PCK2: variants seen among roughly 807,000 people sequenced by gnomAD.
PCK2 encodes phosphoenolpyruvate carboxykinase [GTP], mitochondrial.
A neutral mutation model predicts 65.9 loss-of-function variants in PCK2; 56 were observed. The ratio of observed to expected loss-of-function variants is 0.85; its 90% confidence interval spans 0.69 to 1.06. The LOEUF (loss-of-function observed/expected upper bound fraction) is 1.06. PCK2 is among the 50% of genes least tolerant of loss of function. The pLI, the probability that PCK2 is intolerant of heterozygous loss-of-function variation, is 0.00. For missense variants in PCK2, 843 were observed against 863.1 expected, an observed-to-expected ratio of 0.98 and a Z score of 0.29; for synonymous variants, 305 against 319.6, an observed-to-expected ratio of 0.95 and a Z score of 0.49.
In PCK2 at chr14:24,103,642, G is replaced by T. The variant is rs773568356; in HGVS notation, c.1601G>T (p.Trp534Leu). The T allele has an allele frequency of 6.2e-7, 1 of 1,614,202 alleles. No individual in the cohort carries two copies. Among genetic ancestry groups the T allele is most frequent in the Non-Finnish European group, 8.5e-7 (1 of 1,180,010 alleles). Residue 534 changes from tryptophan (W) to leucine (L), a missense_variant, in exon 10 of 10, where the codon TGG becomes TTG. Physicochemically the swap from Trp to Leu is moderately conservative, Grantham distance 61 (BLOSUM62 -2). Transcript: ENST00000216780. ...CTGCCCCGTATCTTCCATGTCAACT[G>T]GTTCCGGCGTGACGAGGCAGGGCAC... ...AQLPRIFHVN[W>L]FRRDEAGHFL...
intron 2 of PCK2, among the ~76,000 whole-genome samples, chr14:24,097,565 A>G (rs1377313771): frequency 2.8e-4 from 6 of 21,334 alleles, no homozygotes; most frequent in African/African-American, 4.7e-4. Context: ...ACTCTGTCTC[A>G]AAAAAAAAAA....
At chr14:24,102,384 C>T (rs1159321185) in intron 7 of PCK2, among the ~76,000 whole-genome samples, 1 of 152,174 alleles carries the variant, frequency 6.6e-6, no homozygotes, top group African/African-American at 2.4e-5. Context: ...ATAATAATCT[C>T]ACAAATAATG....
chr14:24,098,917 G>C (rs553608959), intron 4 of PCK2, 132 bp from the exon 5 acceptor site: 11 of 765,444 alleles, frequency 1.4e-5, no homozygotes, highest in Non-Finnish European at 2.0e-5. Context: ...ATTATGAGGT[G>C]GGGGGCTTCA....
At chr14:24,094,202 G>A (rs528193973), upstream of PCK2, 21 of 561,950 alleles carry the variant, frequency 3.7e-5, no homozygotes, top group Admixed American at 7.4e-4. The surrounding 1 kb of genome is among the most constrained non-coding windows in gnomAD (Gnocchi z 4.1). Context: ...CCCCGGGGCC[G>A]AGGGAGCTGG....
At position 24,099,873 on chromosome 14, in the gene PCK2, G is replaced by A. The variant is rs1352892464; in HGVS notation, c.1016-122G>A. 3 of 1,582,378 alleles carry A rather than the reference G, an allele frequency of 1.9e-6. No homozygotes were observed. In the African/African-American group the frequency reaches 4.0e-5, roughly 21 times the overall value. ...TGGCAGCCCAGCCACCCGAGAGACA[G>A]CCTTTCCTCATCAGATCTTGGGTCC... is the stretch of plus-strand genomic sequence containing the variant. On this transcript the variant is annotated intron_variant, in intron 6 of 9. Transcript: ENST00000216780.
chr14:24,102,428 T>G (rs1474344837), intron 7 of PCK2, among the ~76,000 whole-genome samples: 1 of 152,158 alleles, frequency 6.6e-6, no homozygotes, highest in African/African-American at 2.4e-5. Context: ...ATTATAACCT[T>G]ATGCCCATAT....
chr14:24,094,915 G>C lies in PCK2; in HGVS notation c.29+481G>C. 8.6e-7 allele frequency: 1 copy of C among 1,161,330 alleles called. No individual in the cohort carries two copies. Among genetic ancestry groups the C allele is most frequent in the Non-Finnish European group, 1.1e-6 (1 of 874,552 alleles). The allele number at this position is 1,161,330 out of a possible 1,614,324, so 71.9% of individuals were successfully genotyped here. ...GTGGAAGGTTAAATATCCATTCCCG[G>C]CCTCTCCCGGACTGGAAGGACTGGA... On this transcript the variant is annotated intron_variant, in intron 1 of 9. Coordinates refer to ENST00000216780, the MANE Select transcript of PCK2 (RefSeq NM_004563.4). The surrounding 1 kb of genome is among the most constrained non-coding windows in gnomAD (Gnocchi z 4.1).
In PCK2 at chr14:24,097,041, T is replaced by A; in HGVS notation, c.179T>A (p.Ile60Asn). 1 of 1,613,438 alleles carries A rather than the reference T, an allele frequency of 6.2e-7. No individual in the cohort carries two copies. Among genetic ancestry groups the A allele is most frequent in the South Asian group, 1.1e-5 (1 of 91,040 alleles). ...HSARLCQPEG[I>N]HICDGTEAEN... ...GCCCGCCTGTGCCAACCAGAGGGCATCCACATCTGTGATGGAACTGAGGCT... is the reference window on the plus strand; with the variant it reads ...GCCCGCCTGTGCCAACCAGAGGGCAACCACATCTGTGATGGAACTGAGGCT... Residue 60 changes from isoleucine (I) to asparagine (N), a missense_variant, in exon 2 of 10, where the codon ATC becomes AAC. Ile to Asn is a moderately radical substitution (Grantham distance 149, BLOSUM62 -3). Transcript: ENST00000216780.
intron 2 of PCK2, among the ~76,000 whole-genome samples, chr14:24,097,713 C>T (rs1747878552): frequency 1.3e-5 from 2 of 151,928 alleles, no homozygotes; most frequent in Admixed American, 6.5e-5. Flanking sequence ...CCTGCCTCAG[C>T]CTCCGGAGTA....
rs1480344025 is a variant in PCK2, at chr14:24,094,596, T to C, written c.29+162T>C. 4.8e-6 allele frequency: 7 copies of C among 1,455,836 alleles called. No homozygotes were observed. The highest frequency in any genetic ancestry group is 6.3e-6 in the Non-Finnish European group (7 of 1,106,962). The allele number at this position is 1,455,836 out of a possible 1,614,324, so 90.2% of individuals were successfully genotyped here. On this transcript the variant is annotated intron_variant, in intron 1 of 9. Coordinates refer to ENST00000216780, the MANE Select transcript of PCK2 (RefSeq NM_004563.4). The surrounding 1 kb of genome is among the most constrained non-coding windows in gnomAD (Gnocchi z 4.1). ...TGGGTCCAGCCTCCCGCGCCGCGCG[T>C]CTCTTGGGAGGGCAGCCGGCCGGTG...
At position 24,099,283 on chromosome 14, in the gene PCK2, G is replaced by A. The variant is rs756767495; in HGVS notation, c.852+47G>A. ...GGGCAGCTGCCGGGGACAGGGCAGG[G>A]GTGGGGCCTGGCCAGTCTGCCTCAG... On this transcript the variant is annotated intron_variant, in intron 5 of 9. Transcript: ENST00000216780. 13 of 1,535,354 alleles carry A rather than the reference G, an allele frequency of 8.5e-6. No homozygotes were observed. The South Asian group carries it at 1.4e-4, about 16-fold the overall frequency.
At chr14:24,097,404 A>T (rs2036936543) in intron 2 of PCK2, among the ~76,000 whole-genome samples, 1 of 151,444 alleles carries the variant, frequency 6.6e-6, no homozygotes. Context: ...AAAAAAAAAA[A>T]AATACAAAAA....
chr14:24,094,240 T>A (rs1351629435), upstream of PCK2: 5 of 652,122 alleles, frequency 7.7e-6, no homozygotes, highest in Non-Finnish European at 1.3e-5. This position sits in a 1 kb window ranked among gnomAD's most constrained non-coding sequence, Gnocchi z 4.1. Context: ...GGAAAGCTAG[T>A]GCCAGCCCTA....
chr14:24,103,164 A>G lies in PCK2; in HGVS notation c.1377A>G (p.Val459=), dbSNP rs1228849873. The G allele has an allele frequency of 6.2e-7, 1 of 1,612,576 alleles. No individual in the cohort carries two copies. Among genetic ancestry groups the G allele is most frequent in the Non-Finnish European group, 8.5e-7 (1 of 1,178,734 alleles). Residue 459 remains valine (V), a synonymous_variant, in exon 9 of 10, where the codon GTA becomes GTG. Coordinates refer to ENST00000216780, the MANE Select transcript of PCK2 (RefSeq NM_004563.4). ...IIFGGRRPKG[V]PLVYEAFNWR... ...CTCTGTTCATTGGTGATCTAGGGGT[A>G]CCCCTGGTATACGAGGCCTTCAACT...
chr14:24,102,666 A>G, intron 7 of PCK2, 87 bp from the exon 8 acceptor site: 1 of 1,160,084 alleles, frequency 8.6e-7, no homozygotes, highest in Non-Finnish European at 1.2e-6. Flanking sequence ...AAAAAAAAAG[A>G]ACCCTGCAAG....
At chr14:24,099,832 C>T in intron 6 of PCK2, 112 bp downstream of exon 6, 2 of 1,506,764 alleles carry the variant, frequency 1.3e-6, no homozygotes, top group Non-Finnish European at 1.8e-6. Flanking sequence ...GAACACCCAA[C>T]CCTGCTCCAT....
At chr14:24,102,122 G>A (rs1389350343) in intron 7 of PCK2, among the ~76,000 whole-genome samples, 2 of 152,288 alleles carry the variant, frequency 1.3e-5, no homozygotes, top group Admixed American at 6.5e-5. Flanking sequence ...CAGCTACTGG[G>A]GAGGCTGAGG....
intron 7 of PCK2, among the ~76,000 whole-genome samples, chr14:24,102,153 G>A (rs893491627): frequency 6.6e-6 from 1 of 152,144 alleles, no homozygotes; most frequent in Non-Finnish European, 1.5e-5. Flanking sequence ...GTTTGAACCT[G>A]GGAGGCGGAG....
Position 24,103,258 on chromosome 14 carries a change from G to T in PCK2, c.1468+3G>T, listed in dbSNP as rs1056203767. ...CACTGCTGCAGCAGAACACAAAGGT[G>T]AGCACCCTCACCATTCCTCCCTCTC... On this transcript the variant is annotated splice_donor_region_variant and intron_variant, in intron 9 of 9. Coordinates refer to ENST00000216780, the MANE Select transcript of PCK2 (RefSeq NM_004563.4). 1.2e-6 allele frequency: 2 copies of T among 1,609,544 alleles called. No homozygotes were observed. The highest frequency in any genetic ancestry group is 1.1e-5 in the South Asian group (1 of 90,932).
Sources: allele counts gnomAD v4.1 joint callset (sites outside exome capture counted in the v4.1 genomes callset), GRCh38; gene constraint gnomAD v4.1.1; non-coding constraint Gnocchi (gnomAD v3.1); transcripts MANE v1.5; gene names NCBI Gene and HGNC (gene_info 2026-07-23, HGNC 2026-07-21).